The following PARP8 variants were observed in gnomAD, a reference collection of about 807,000 sequenced individuals.
PARP8 encodes protein mono-ADP-ribosyltransferase PARP8.
PARP8 carries 51 observed loss-of-function variants against 124.1 expected under a neutral mutation model. The ratio of observed to expected loss-of-function variants is 0.41; its 90% CI spans 0.33 to 0.52. PARP8 has a LOEUF of 0.52. PARP8 is among the 20% of genes least tolerant of loss of function. The pLI, the probability that PARP8 is intolerant of heterozygous loss-of-function variation, is 0.21. For missense variants in PARP8, 860 were observed against 1,018.9 expected (o/e 0.84, Z 2.12); for synonymous variants, 391 against 361.5 (o/e 1.08, Z -0.93).
At chr5:50,691,043 C>T (rs912549909) in intron 2 of PARP8, among the ~76,000 whole-genome samples, 2 of 152,166 alleles carry the variant, frequency 1.3e-5, no homozygotes, top group East Asian at 1.9e-4. Flanking sequence ...TCCTCATCAT[C>T]GTTTCTTCCT....
chr5:50,765,515 A>G (rs1760972737), intron 7 of PARP8, among the ~76,000 whole-genome samples: 1 of 152,162 alleles, frequency 6.6e-6, no homozygotes, highest in Admixed American at 6.6e-5. Flanking sequence ...AGATTAAAAA[A>G]TGTTTGGAAA....
At position 50,717,439 on chromosome 5, in the gene PARP8, C is replaced by T. The variant is rs142749913; in HGVS notation, c.147-32712C>T. ...AGAGAAGTATGGGAAGAACAGATTTCAGGAGTGGGGAATCAGCAGGTCAAA... is the reference window on the plus strand; with the variant it reads ...AGAGAAGTATGGGAAGAACAGATTTTAGGAGTGGGGAATCAGCAGGTCAAA... On this transcript the variant is annotated intron_variant, in intron 2 of 25. Coordinates refer to ENST00000281631, the MANE Select transcript of PARP8 (RefSeq NM_024615.4). 3.3e-4 allele frequency among the ~76,000 whole-genome samples: 50 copies of T among 152,072 alleles called. 1 individual carries two copies. In the East Asian group the frequency reaches 7.2e-3, roughly 22 times the overall value.
At chr5:50,827,859 TA>T in intron 19 of PARP8, 84 bp from the exon 20 acceptor site, 1 of 1,006,322 alleles carries the variant, frequency 9.9e-7, no homozygotes, top group Non-Finnish European at 1.5e-6. Context: ...GGGTAATTCT[TA>T]AACCAATAAA....
Position 50,754,176 on chromosome 5 carries a change from CACACAT to C in PARP8, c.184+3990_184+3995del, listed in dbSNP as rs200690030. 7.3e-3 allele frequency among the ~76,000 whole-genome samples: 232 copies of C among 31,580 alleles called. 2 individuals are homozygous for C. Among genetic ancestry groups the C allele is most frequent in the Middle Eastern group, 0.023 (1 of 44 alleles). 20.7% of individuals were successfully genotyped at this position (31,580 alleles called of 152,430 possible). A position where few individuals can be genotyped will look rare whatever the true frequency, so the allele number is the denominator to read the frequency against. On this transcript the variant is annotated intron_variant, in intron 3 of 25. Coordinates refer to ENST00000281631, the MANE Select transcript of PARP8 (RefSeq NM_024615.4). ...ACACACACACACACACACACACACA[CACACAT>C]ATATATATATTTTATTATACTTTAA... is the stretch of plus-strand genomic sequence containing the variant.
At chr5:50,726,134 T>A (rs1032151210) in intron 2 of PARP8, among the ~76,000 whole-genome samples, 2 of 152,088 alleles carry the variant, frequency 1.3e-5, no homozygotes, top group Non-Finnish European at 2.9e-5. Context: ...AAATTTTTTA[T>A]TTTTTTATTT....
At chr5:50,761,503 A>T (rs1423608544) in intron 5 of PARP8, among the ~76,000 whole-genome samples, 1 of 152,074 alleles carries the variant, frequency 6.6e-6, no homozygotes, top group Non-Finnish European at 1.5e-5. Context: ...AATTAGTATA[A>T]GCTTGCCAAA....
At chr5:50,692,167 T>G (rs953015240) in intron 2 of PARP8, among the ~76,000 whole-genome samples, 1 of 152,186 alleles carries the variant, frequency 6.6e-6, no homozygotes, top group African/African-American at 2.4e-5. Context: ...TTAAAGCCCT[T>G]CCTTGTTATT....
At chr5:50,677,615 T>A (rs186639211) in intron 2 of PARP8, among the ~76,000 whole-genome samples, 136 of 152,052 alleles carry the variant, frequency 8.9e-4, no homozygotes, top group Admixed American at 2.8e-3. Flanking sequence ...TTTAAACTTA[T>A]TTTTTTTGTA....
intron 2 of PARP8, among the ~76,000 whole-genome samples, chr5:50,691,752 A>C (rs1034533851): frequency 6.6e-6 from 1 of 152,098 alleles, no homozygotes; most frequent in East Asian, 1.9e-4. Flanking sequence ...AAGAATCTTC[A>C]AACTCAGCAT....
chr5:50,701,400 A>G (rs1247881249), intron 2 of PARP8, among the ~76,000 whole-genome samples: 1 of 152,132 alleles, frequency 6.6e-6, no homozygotes, highest in Non-Finnish European at 1.5e-5. Context: ...ATGCTTTGGC[A>G]TAGTGAATTT....
intron 7 of PARP8, among the ~76,000 whole-genome samples, chr5:50,768,146 G>C (rs1051574575): frequency 6.6e-6 from 1 of 152,092 alleles, no homozygotes; most frequent in African/African-American, 2.4e-5. Flanking sequence ...ACAGTGTAAT[G>C]AATAAGCTGA....
rs190768450 is a variant in PARP8, at chr5:50,683,981, G to A, written c.146+15856G>A. 5.5e-4 allele frequency among the ~76,000 whole-genome samples: 84 copies of A among 152,202 alleles called. 1 individual carries two copies. Among genetic ancestry groups the A allele is most frequent in the South Asian group, 1.0e-3 (5 of 4,826 alleles). ...CCAAGATATGAACTTAGACATTTTC[G>A]TAAGCATTTATAGGCTATTCTCATA... On this transcript the variant is annotated intron_variant, in intron 2 of 25. Coordinates refer to ENST00000281631, the MANE Select transcript of PARP8 (RefSeq NM_024615.4).
chr5:50,699,656 G>A (rs1753383756), intron 2 of PARP8, among the ~76,000 whole-genome samples: 1 of 152,134 alleles, frequency 6.6e-6, no homozygotes, highest in Non-Finnish European at 1.5e-5. Flanking sequence ...TGAAACACAA[G>A]TGTGCTCTAT....
At chr5:50,833,854 G>C in intron 23 of PARP8, 125 bp from the exon 24 acceptor site, 2 of 656,518 alleles carry the variant, frequency 3.0e-6, no homozygotes, top group Non-Finnish European at 5.3e-6. Context: ...ATTGATGCTA[G>C]TCTAGATAGG....
At position 50,673,111 on chromosome 5, in the gene PARP8, A is replaced by AT. The variant is rs1365493057; in HGVS notation, c.146+4992dup. Among the ~76,000 whole-genome samples the AT allele has an allele frequency of 6.6e-5, 10 of 152,288 alleles. 1 individual carries two copies. In the South Asian group the frequency reaches 2.1e-3, roughly 32 times the overall value. ...CACTTATTATATATTCAAAATATTG[A>AT]TTTTTTAAAAGTGTGTTCCTTGGAG... On this transcript the variant is annotated intron_variant, in intron 2 of 25. Coordinates refer to ENST00000281631, the MANE Select transcript of PARP8 (RefSeq NM_024615.4).
chr5:50,822,350 C>A lies in PARP8; in HGVS notation c.1810C>A (p.Arg604=). ...AFNPRKKNYD[R]VMKALDSITS... is the part of the protein sequence containing the mutation. ...CATTAAACAGAAAAAGAACTATGAT[C>A]GAGTAATGAAAGCACTGGATAGCAT... Residue 604 remains arginine (R), a synonymous_variant, in exon 17 of 26, where the codon CGA becomes AGA. Coordinates refer to ENST00000281631, the MANE Select transcript of PARP8 (RefSeq NM_024615.4). The A allele has an allele frequency of 6.2e-7, 1 of 1,610,764 alleles. No individual in the cohort carries two copies. Among genetic ancestry groups the A allele is most frequent in the South Asian group, 1.1e-5 (1 of 90,958 alleles).
chr5:50,807,048 A>G (rs1281351977), intron 14 of PARP8, among the ~76,000 whole-genome samples: 2 of 151,446 alleles, frequency 1.3e-5, no homozygotes, highest in African/African-American at 4.8e-5. Context: ...TGCATTTGTT[A>G]GATCTCGCTT....
chr5:50,802,918 T>A (rs1464156357), intron 14 of PARP8, among the ~76,000 whole-genome samples: 1 of 152,224 alleles, frequency 6.6e-6, no homozygotes, highest in African/African-American at 2.4e-5. Flanking sequence ...AAGCTCTTTA[T>A]CTCTTTATGT....
At chr5:50,828,972 A>T (rs2149713472) in intron 21 of PARP8, among the ~76,000 whole-genome samples, 1 of 152,304 alleles carries the variant, frequency 6.6e-6, no homozygotes, top group South Asian at 2.1e-4. Context: ...CTTTTTACTT[A>T]AGTAGAAAAA....
Sources: allele counts gnomAD v4.1 joint callset (sites outside exome capture counted in the v4.1 genomes callset), GRCh38; gene constraint gnomAD v4.1.1; transcripts MANE v1.5; gene names NCBI Gene and HGNC (gene_info 2026-07-23, HGNC 2026-07-21).